Variants in GFPT1 observed in about 807,000 individuals in gnomAD.
GFPT1 encodes the protein glutamine--fructose-6-phosphate aminotransferase [isomerizing] 1.
In GFPT1, 40 loss-of-function variants were observed where a neutral mutation model predicts 92.0. The observed-to-expected ratio is 0.43, with a 90% CI of 0.34 to 0.57. The LOEUF is 0.57. Among genes scored for constraint, GFPT1 ranks in the 20% least tolerant of loss-of-function variants. GFPT1 has a pLI of 0.02. For missense variants in GFPT1, 448 were observed against 869.1 expected (o/e 0.52, Z 6.09); for synonymous variants, 269 against 280.6 (o/e 0.96, Z 0.41).
chr2:69,355,804 CAAG>C (rs1671321991), intron 7 of GFPT1, among the ~76,000 whole-genome samples: 1 of 151,930 alleles, frequency 6.6e-6, no homozygotes, highest in African/African-American at 2.4e-5. Flanking sequence ...AATATCCTAG[CAAG>C]AAGTAGTGAT....
intron 4 of GFPT1, among the ~76,000 whole-genome samples, chr2:69,361,161 A>C (rs1454090155): frequency 6.6e-6 from 1 of 152,086 alleles, no homozygotes; most frequent in African/African-American, 2.4e-5. Context: ...ATTTATAAAA[A>C]AACTTGCCGG....
intron 15 of GFPT1, among the ~76,000 whole-genome samples, chr2:69,336,809 A>C (rs141850784): frequency 6.6e-6 from 1 of 152,146 alleles, no homozygotes; most frequent in African/African-American, 2.4e-5. Context: ...ATAACAACCA[A>C]ACAAACCTAA....
chr2:69,370,204 CATCT>C (rs2104680195), intron 2 of GFPT1, 96 bp from the exon 3 acceptor site: 1 of 769,578 alleles, frequency 1.3e-6, no homozygotes, highest in East Asian at 2.5e-5. Context: ...AATACATTCT[CATCT>C]AATTAATTCA....
intron 4 of GFPT1, among the ~76,000 whole-genome samples, chr2:69,363,044 A>C (rs1429872525): frequency 6.6e-6 from 1 of 151,812 alleles, no homozygotes; most frequent in Non-Finnish European, 1.5e-5. Context: ...TCAGGAGTTC[A>C]AGACCAGCCT....
At chr2:69,373,523 G>A (rs1049647556) in intron 2 of GFPT1, among the ~76,000 whole-genome samples, 2 of 152,144 alleles carry the variant, frequency 1.3e-5, no homozygotes, top group Admixed American at 1.3e-4. Context: ...AGGAGGCTAC[G>A]GAGGGAGGAT....
At chr2:69,383,818 G>A (rs1672065101) in intron 1 of GFPT1, among the ~76,000 whole-genome samples, 1 of 152,092 alleles carries the variant, frequency 6.6e-6, no homozygotes, top group South Asian at 2.1e-4. Flanking sequence ...AGTAGAGACA[G>A]GGTTTCACCA....
intron 13 of GFPT1, among the ~76,000 whole-genome samples, chr2:69,341,884 G>C (rs1381162444): frequency 6.6e-6 from 1 of 152,146 alleles, no homozygotes; most frequent in Non-Finnish European, 1.5e-5. Flanking sequence ...GTCTAGGACA[G>C]TACACAAACT....
chr2:69,344,656 A>T (rs1255473432), intron 12 of GFPT1, among the ~76,000 whole-genome samples: 6 of 146,410 alleles, frequency 4.1e-5, no homozygotes, highest in Non-Finnish European at 9.0e-5. Context: ...ACTCTTTTTT[A>T]TTTTTTTTTT....
intron 17 of GFPT1, among the ~76,000 whole-genome samples, chr2:69,328,788 C>T (rs1670592528): frequency 6.7e-6 from 1 of 149,594 alleles, no homozygotes; most frequent in African/African-American, 2.5e-5. Flanking sequence ...GCCACCTCCA[C>T]CTCCTAGGTT....
intron 9 of GFPT1, among the ~76,000 whole-genome samples, chr2:69,353,727 C>T (rs1356287790): frequency 6.6e-6 from 1 of 151,954 alleles, no homozygotes; most frequent in East Asian, 1.9e-4. Flanking sequence ...AAAGTTACAT[C>T]GAAGTAAATA....
At chr2:69,380,336 T>C (rs1273663145) in intron 1 of GFPT1, among the ~76,000 whole-genome samples, 1 of 152,154 alleles carries the variant, frequency 6.6e-6, no homozygotes, top group Non-Finnish European at 1.5e-5. Flanking sequence ...AGTGAGACTC[T>C]GTCTCAAAAA....
intron 10 of GFPT1, 63 bp from the exon 11 acceptor site, chr2:69,348,397 A>T: frequency 3.2e-6 from 4 of 1,266,790 alleles, no homozygotes; most frequent in Non-Finnish European, 3.5e-6. Flanking sequence ...AAATGAAACT[A>T]TCATTTGGAT....
rs1439923206 is a variant in GFPT1 at position 69,320,937 on chromosome 2, C to G, written c.*5252G>C. On this transcript the variant is annotated 3_prime_UTR_variant, in exon 20 of 20. Coordinates refer to ENST00000357308, the MANE Select transcript of GFPT1 (RefSeq NM_001244710.2). ...GGCTGAATTCTACAAGCAGGCAAAA[C>G]AGCACATCTATCCATTCAAATCACC... 1.3e-5 allele frequency: 2 copies of G among 152,174 alleles called. No homozygotes were observed. Among genetic ancestry groups the G allele is most frequent in the African/African-American group, 2.4e-5 (1 of 41,416 alleles). 9.4% of individuals were successfully genotyped at this position (152,174 alleles called of 1,614,324 possible). A position where few individuals can be genotyped will look rare whatever the true frequency, so the allele number is the denominator to read the frequency against.
chr2:69,366,675 C>T (rs1671618809), intron 3 of GFPT1, among the ~76,000 whole-genome samples: 1 of 152,220 alleles, frequency 6.6e-6, no homozygotes, highest in African/African-American at 2.4e-5. Context: ...TCAATTTCCA[C>T]TTTACTCAGC....
chr2:69,349,829 A>G (rs1671164660), intron 10 of GFPT1, among the ~76,000 whole-genome samples: 1 of 152,210 alleles, frequency 6.6e-6, no homozygotes, highest in Non-Finnish European at 1.5e-5. Flanking sequence ...AAAATGTAAG[A>G]GCTCTAAAAT....
rs1670601927 is a variant in GFPT1 at position 69,329,197 on chromosome 2, C to T, written c.1725+100G>A. 4.1e-6 allele frequency: 5 copies of T among 1,224,082 alleles called. No homozygotes were observed. In the Admixed American group the frequency reaches 5.1e-5, roughly 13 times the overall value. 75.8% of individuals were successfully genotyped at this position (1,224,082 alleles called of 1,614,324 possible). On this transcript the variant is annotated intron_variant, in intron 17 of 19. Transcript: ENST00000357308. Reference sequence around the variant, plus strand: ...CAATGCATAAATACAGAAGCACTTTCAAAAGTTCTACCTATTTCATTCATT... The same window carrying T: ...CAATGCATAAATACAGAAGCACTTTTAAAAGTTCTACCTATTTCATTCATT...
chr2:69,386,389 C>A (rs1253336293), intron 1 of GFPT1, among the ~76,000 whole-genome samples: 3 of 152,148 alleles, frequency 2.0e-5, no homozygotes, highest in African/African-American at 7.2e-5. Flanking sequence ...TGATATTTTT[C>A]AGAGCTGGCA....
In GFPT1 at chr2:69,350,879, T is replaced by C. The variant is rs577842955; in HGVS notation, c.740-696A>G. 2.3e-3 allele frequency among the ~76,000 whole-genome samples: 333 copies of C among 143,998 alleles called. 4 individuals carry two copies. The highest frequency in any genetic ancestry group is 0.012 in the South Asian group (54 of 4,626). The allele number at this position is 143,998 out of a possible 152,430, so 94.5% of individuals were successfully genotyped here. A position where few individuals can be genotyped will look rare whatever the true frequency, so the allele number is the denominator to read the frequency against. On this transcript the variant is annotated intron_variant, in intron 9 of 19. Transcript: ENST00000357308. Reference sequence around the variant, plus strand: ...AATCACACGCCATTGTACTCCAGCCTGGGCAACAGAGCAAAAACTCTGTCT... The same window carrying C: ...AATCACACGCCATTGTACTCCAGCCCGGGCAACAGAGCAAAAACTCTGTCT...
chr2:69,378,332 T>G (rs1360424973), intron 1 of GFPT1, among the ~76,000 whole-genome samples: 1 of 152,164 alleles, frequency 6.6e-6, no homozygotes, highest in East Asian at 1.9e-4. Flanking sequence ...AGTTCTTAAG[T>G]AAGGTAATGA....
Sources: allele counts gnomAD v4.1 joint callset (sites outside exome capture counted in the v4.1 genomes callset), GRCh38; gene constraint gnomAD v4.1.1; transcripts MANE v1.5; gene names NCBI Gene and HGNC (gene_info 2026-07-23, HGNC 2026-07-21).